The following CHD9 variants were observed in gnomAD, a reference collection of about 807,000 sequenced individuals.
CHD9 encodes ATP-dependent chromatin remodeler CHD9.
In CHD9, 77 loss-of-function variants were observed where a neutral mutation model predicts 316.1. That is an observed-to-expected ratio of 0.24 (90% CI 0.20 to 0.29). CHD9 has a LOEUF of 0.29. Among genes scored for constraint, CHD9 ranks in the 10% least tolerant of loss-of-function variants. CHD9 has a pLI of 1.00. For missense variants in CHD9, 2,763 were observed against 3,438.1 expected, an observed-to-expected ratio of 0.80 and a Z score of 4.91; for synonymous variants, 1,129 against 1,158.3, an observed-to-expected ratio of 0.97 and a Z score of 0.51.
At chr16:53,305,267 G>T (rs536377353) in intron 31 of CHD9, among the ~76,000 whole-genome samples, 5 of 151,832 alleles carry the variant, frequency 3.3e-5, no homozygotes, top group Non-Finnish European at 5.9e-5. Flanking sequence ...CACCATGTTG[G>T]CCAGGCTGGT....
At chr16:53,237,854 G>A (rs1284647093) in intron 11 of CHD9, among the ~76,000 whole-genome samples, 1 of 151,286 alleles carries the variant, frequency 6.6e-6, no homozygotes, top group East Asian at 1.9e-4. Context: ...TTCAAGCTTT[G>A]TAAGCTCTTC....
chr16:53,238,860 A>G (rs923552002), intron 12 of CHD9, among the ~76,000 whole-genome samples: 9 of 152,156 alleles, frequency 5.9e-5, no homozygotes, highest in African/African-American at 2.2e-4. Context: ...TTTCAACTAG[A>G]ATAATAATTT....
chr16:53,228,682 A>G (rs1031363401), intron 7 of CHD9, among the ~76,000 whole-genome samples: 2 of 152,072 alleles, frequency 1.3e-5, no homozygotes, highest in South Asian at 2.1e-4. Context: ...CTTTCTGATA[A>G]TGACAAAACT....
intron 1 of CHD9, among the ~76,000 whole-genome samples, chr16:53,110,308 T>C (rs1217873531): frequency 6.6e-6 from 1 of 152,226 alleles, no homozygotes; most frequent in Non-Finnish European, 1.5e-5. Context: ...ATCTGCTTTC[T>C]TGGCTGGGTG....
chr16:53,242,824 A>G lies in CHD9; in HGVS notation c.2878-16A>G. 1 of 1,592,132 alleles carries G rather than the reference A, an allele frequency of 6.3e-7. No individual in the cohort carries two copies. The highest frequency in any genetic ancestry group is 1.1e-5 in the South Asian group (1 of 86,974). ...TTAAAATATTCCAGCAAATAATTAT[A>G]TTTGATCATTTCTAGGGGCGTATCA... is the stretch of plus-strand genomic sequence containing the variant. On this transcript the variant is annotated splice_polypyrimidine_tract_variant and intron_variant, in intron 12 of 38. Transcript: ENST00000447540.
intron 2 of CHD9, among the ~76,000 whole-genome samples, chr16:53,182,694 C>CT (rs2043630763): frequency 6.6e-6 from 1 of 152,024 alleles, no homozygotes; most frequent in Admixed American, 6.6e-5. Context: ...GACTTTAATA[C>CT]TTAAATCTAC....
intron 1 of CHD9, among the ~76,000 whole-genome samples, chr16:53,076,452 A>G (rs1279828585): frequency 1.3e-5 from 2 of 151,980 alleles, no homozygotes; most frequent in East Asian, 1.9e-4. Flanking sequence ...GCAGGCGCCT[A>G]TAATTCCAGC....
intron 36 of CHD9, among the ~76,000 whole-genome samples, chr16:53,317,900 A>T (rs1165339741): frequency 2.0e-5 from 3 of 151,736 alleles, no homozygotes; most frequent in Admixed American, 6.6e-5. Context: ...ACAAAAAAAT[A>T]AAAAAAATTA....
At chr16:53,154,587 A>G (rs2041369693) in intron 1 of CHD9, among the ~76,000 whole-genome samples, 1 of 152,106 alleles carries the variant, frequency 6.6e-6, no homozygotes, top group Admixed American at 6.6e-5. Context: ...TGATTTCAGG[A>G]TGAAACTGTT....
intron 8 of CHD9, among the ~76,000 whole-genome samples, chr16:53,229,308 A>G (rs1395845572): frequency 1.3e-5 from 2 of 152,232 alleles, no homozygotes; most frequent in Non-Finnish European, 2.9e-5. Context: ...ATGGTAGATC[A>G]TGCTTGTATT....
chr16:53,300,149 C>T (rs568398780), intron 30 of CHD9, among the ~76,000 whole-genome samples: 3 of 152,126 alleles, frequency 2.0e-5, no homozygotes, highest in South Asian at 2.1e-4. Flanking sequence ...GTCAGGAGTT[C>T]GAGACCAGCC....
chr16:53,323,672 G>T (rs991764533), intron 38 of CHD9, among the ~76,000 whole-genome samples: 4 of 152,042 alleles, frequency 2.6e-5, no homozygotes, highest in Admixed American at 1.3e-4. Context: ...GGTCTTCTAG[G>T]ACAAGTGATG....
In CHD9 at chr16:53,304,577, T is replaced by C. The variant is rs1300706334; in HGVS notation, c.6571T>C (p.Ser2191Pro). 6.5e-7 allele frequency: 1 copy of C among 1,549,790 alleles called. No individual in the cohort carries two copies. Among genetic ancestry groups the C allele is most frequent in the South Asian group, 1.2e-5 (1 of 83,976 alleles). The change falls in exon 31 of 39, where the codon TCT (serine) becomes CCT (proline). Residue 2191 changes from serine (S) to proline (P), a missense_variant. Coordinates refer to ENST00000447540, the MANE Select transcript of CHD9 (RefSeq NM_001308319.2). ...CTCTTCCTCCTCCTCCTCCTCTTCA[T>C]CTTCATCAGAAGAAAGTGACAGTGA... ...STSSSSSSSS[S>P]SSEESDSDEE...
At chr16:53,108,205 A>C (rs1333682148) in intron 1 of CHD9, among the ~76,000 whole-genome samples, 1 of 152,214 alleles carries the variant, frequency 6.6e-6, no homozygotes, top group Non-Finnish European at 1.5e-5. Context: ...CTAAAGTAGA[A>C]ATATGCAGAT....
In CHD9 at chr16:53,247,433, C is replaced by A; in HGVS notation, c.3595C>A (p.His1199Asn). ...GCTTCCCAAAATGAAAGCCGGAGGT[C>A]ATAAAGTGCTCATCTTCTCTCAAAT... ...KLLPKMKAGG[H>N]KVLIFSQMVR... Residue 1199 changes from histidine (H) to asparagine (N), a missense_variant, in exon 16 of 39, where the codon CAT becomes AAT. By Grantham distance (68) the His-to-Asn change is moderately conservative (BLOSUM62 1). Around this residue, in one of 15 missense-constraint regions of CHD9, gnomAD observed 155 missense variants for 291.8 expected, o/e 0.53. Transcript: ENST00000447540. 6.2e-7 allele frequency: 1 copy of A among 1,608,728 alleles called. No homozygotes were observed. Among genetic ancestry groups the A allele is most frequent in the Non-Finnish European group, 8.5e-7 (1 of 1,177,216 alleles).
chr16:53,172,168 A>G (rs181242240), intron 2 of CHD9, among the ~76,000 whole-genome samples: 3 of 152,192 alleles, frequency 2.0e-5, no homozygotes, highest in East Asian at 1.9e-4. Context: ...AAAGTTCCCT[A>G]TTGCCTCTTT....
chr16:53,217,956 C>CTTTCT (rs1567499999), intron 3 of CHD9, among the ~76,000 whole-genome samples: 2 of 115,748 alleles, frequency 1.7e-5, no homozygotes, highest in Admixed American at 8.4e-5. Context: ...TTCTTTCTTT[C>CTTTCT]TTTTTTTTTT....
chr16:53,056,084 C>T (rs2032073267), intron 1 of CHD9, among the ~76,000 whole-genome samples: 1 of 152,164 alleles, frequency 6.6e-6, no homozygotes, highest in South Asian at 2.1e-4. Flanking sequence ...AGAGATAGGG[C>T]CTCACTATAT....
intron 1 of CHD9, among the ~76,000 whole-genome samples, chr16:53,062,809 TC>T (rs1357527801): frequency 6.6e-6 from 1 of 152,258 alleles, no homozygotes; most frequent in East Asian, 1.9e-4. Context: ...GGAGGGCTGA[TC>T]ACCTGAGGTT....
Sources: allele counts gnomAD v4.1 joint callset (sites outside exome capture counted in the v4.1 genomes callset), GRCh38; gene constraint gnomAD v4.1.1; regional missense constraint gnomAD v4.1.1; transcripts MANE v1.5; gene names NCBI Gene and HGNC (gene_info 2026-07-23, HGNC 2026-07-21).